ZNF385D: variants seen among roughly 807,000 people sequenced by gnomAD.
ZNF385D encodes the protein zinc finger protein 385D, also known as zinc finger protein 659.
A neutral mutation model predicts 35.8 loss-of-function variants in ZNF385D; 15 were observed. The observed-to-expected ratio is 0.42, with a 90% confidence interval of 0.28 to 0.64. The LOEUF is 0.64. ZNF385D is among the 30% of genes least tolerant of loss of function. ZNF385D has a pLI of 0.23. For synonymous variants in ZNF385D, 212 were observed against 186.8 expected, an observed-to-expected ratio of 1.13 and a Z score of -1.10; for missense variants, 474 against 494.6, an observed-to-expected ratio of 0.96 and a Z score of 0.39.
At chr3:21,962,445 T>C (rs1164214992) in intron 3 of ZNF385D, among the ~76,000 whole-genome samples, 3 of 152,232 alleles carry the variant, frequency 2.0e-5, no homozygotes, top group African/African-American at 4.8e-5. Context: ...TTGAGGTGCC[T>C]GCAAGGCATC....
chr3:22,262,502 G>A (rs9846658), intron 2 of ZNF385D, among the ~76,000 whole-genome samples: 2,998 of 151,762 alleles, frequency 0.02, 93 homozygotes, highest in African/African-American at 0.068. Flanking sequence ...AGTGCCTTAG[G>A]GACATGTATT....
intron 3 of ZNF385D, among the ~76,000 whole-genome samples, chr3:21,993,097 C>T (rs1468262007): frequency 6.6e-6 from 1 of 152,148 alleles, no homozygotes; most frequent in Non-Finnish European, 1.5e-5. Flanking sequence ...ACATAACTCT[C>T]CTGTAGATTT....
At chr3:21,511,112 A>T in intron 3 of ZNF385D, 89 bp from the exon 4 acceptor site, 3 of 1,509,798 alleles carry the variant, frequency 2.0e-6, no homozygotes, top group Non-Finnish European at 2.7e-6. Flanking sequence ...CTCCCTTTCA[A>T]TAACAGGTAC....
intron 3 of ZNF385D, among the ~76,000 whole-genome samples, chr3:21,876,501 T>C (rs2125855811): frequency 6.6e-6 from 1 of 151,868 alleles, no homozygotes; most frequent in South Asian, 2.1e-4. Flanking sequence ...AGAATGACAC[T>C]AAAGGCTGAC....
intron 2 of ZNF385D, among the ~76,000 whole-genome samples, chr3:21,583,995 G>T (rs1166475172): frequency 7.0e-5 from 4 of 57,284 alleles, no homozygotes; most frequent in African/African-American, 1.3e-4. Flanking sequence ...TATTTTTTGA[G>T]ACAGAGTTTT....
intron 2 of ZNF385D, among the ~76,000 whole-genome samples, chr3:22,205,092 A>G (rs1261210653): frequency 6.6e-6 from 1 of 152,086 alleles, no homozygotes; most frequent in Non-Finnish European, 1.5e-5. Flanking sequence ...AAGGTCAAGA[A>G]TAAGGAAAAG....
At chr3:21,624,999 T>A (rs540537413) in intron 2 of ZNF385D, among the ~76,000 whole-genome samples, 15 of 152,182 alleles carry the variant, frequency 9.9e-5, no homozygotes, top group African/African-American at 3.6e-4. Flanking sequence ...CATTCATGTA[T>A]AAATATTCTC....
chr3:21,731,642 CCT>C (rs1018156316), intron 1 of ZNF385D, among the ~76,000 whole-genome samples: 2 of 152,150 alleles, frequency 1.3e-5, no homozygotes, highest in Admixed American at 6.5e-5. Context: ...TGCTAAAAAT[CCT>C]CTGTGTTCTA....
intron 4 of ZNF385D, among the ~76,000 whole-genome samples, chr3:21,471,145 G>A (rs541962936): frequency 1.4e-4 from 21 of 152,030 alleles, no homozygotes; most frequent in Non-Finnish European, 2.5e-4. Context: ...CATAGCCGGC[G>A]TTATGCCCAA....
At chr3:21,526,550 T>C (rs901264000) in intron 3 of ZNF385D, among the ~76,000 whole-genome samples, 5 of 152,060 alleles carry the variant, frequency 3.3e-5, no homozygotes, top group African/African-American at 1.2e-4. Context: ...GGAGATAGGA[T>C]AAAAACTCAA....
intron 2 of ZNF385D, among the ~76,000 whole-genome samples, chr3:21,655,576 T>C (rs1468982601): frequency 1.3e-5 from 2 of 152,034 alleles, no homozygotes; most frequent in African/African-American, 4.8e-5. Flanking sequence ...TTTATAGTCA[T>C]TCAATCACAG....
At chr3:21,877,209 G>C (rs1426110571) in intron 3 of ZNF385D, among the ~76,000 whole-genome samples, 1 of 152,014 alleles carries the variant, frequency 6.6e-6, no homozygotes, top group East Asian at 1.9e-4. Flanking sequence ...GTTTGCATAG[G>C]AATGGGCATT....
At chr3:22,145,833 C>G (rs1168749562) in intron 3 of ZNF385D, among the ~76,000 whole-genome samples, 1 of 152,178 alleles carries the variant, frequency 6.6e-6, no homozygotes, top group Non-Finnish European at 1.5e-5. Context: ...GTCTTAGCCA[C>G]TGATCACTCT....
chr3:22,128,600 A>C (rs138705103), intron 3 of ZNF385D, among the ~76,000 whole-genome samples: 1 of 152,222 alleles, frequency 6.6e-6, no homozygotes, highest in East Asian at 1.9e-4. Flanking sequence ...ATTTTCAAAT[A>C]GTCTATCTTC....
At chr3:21,907,259 GAATA>G (rs1486213785) in intron 3 of ZNF385D, among the ~76,000 whole-genome samples, 1 of 152,036 alleles carries the variant, frequency 6.6e-6, no homozygotes, top group African/African-American at 2.4e-5. Context: ...TTTAAAAATA[GAATA>G]ATTATAACTA....
intron 3 of ZNF385D, among the ~76,000 whole-genome samples, chr3:22,000,087 T>C (rs7616905): frequency 0.65 from 99,160 of 151,914 alleles, 33,598 homozygotes; most frequent in African/African-American, 0.81. Context: ...GGGCAGATCA[T>C]GAGCTCAGGA....
intron 3 of ZNF385D, among the ~76,000 whole-genome samples, chr3:21,547,691 A>T (rs2062424807): frequency 6.6e-6 from 1 of 150,554 alleles, no homozygotes; most frequent in Admixed American, 6.6e-5. Flanking sequence ...ATCTCAGCTC[A>T]CTGCAACCTC....
At chr3:21,927,825 A>T (rs1700806640) in intron 3 of ZNF385D, among the ~76,000 whole-genome samples, 1 of 152,190 alleles carries the variant, frequency 6.6e-6, no homozygotes, top group East Asian at 1.9e-4. Flanking sequence ...GCTCCAAAGA[A>T]TTCAAGGTAC....
chr3:21,889,744 G>A (rs1037532761), intron 3 of ZNF385D, among the ~76,000 whole-genome samples: 3 of 152,094 alleles, frequency 2.0e-5, no homozygotes, highest in East Asian at 1.9e-4. Flanking sequence ...CCATGACAAA[G>A]TACCATAAAC....
Sources: allele counts gnomAD v4.1 joint callset (sites outside exome capture counted in the v4.1 genomes callset), GRCh38; gene constraint gnomAD v4.1.1; transcripts MANE v1.5; gene names NCBI Gene and HGNC (gene_info 2026-07-23, HGNC 2026-07-21).